PIBF1: variants seen among roughly 807,000 people sequenced by gnomAD.
PIBF1 encodes progesterone immunomodulatory binding factor 1.
A neutral mutation model predicts 112.5 loss-of-function variants in PIBF1; 90 were observed. That is an observed-to-expected ratio of 0.80 (90% CI 0.67 to 0.95). The LOEUF is 0.95. Among genes scored for constraint, PIBF1 ranks in the 40% least tolerant of loss-of-function variants. The pLI is 0.00. For missense variants in PIBF1, 915 were observed against 852.3 expected (o/e 1.07, Z -0.92); for synonymous variants, 301 against 288.6 (o/e 1.04, Z -0.44).
At chr13:72,925,246 A>C (rs949460010) in intron 13 of PIBF1, among the ~76,000 whole-genome samples, 5 of 152,194 alleles carry the variant, frequency 3.3e-5, no homozygotes, top group African/African-American at 1.2e-4. Context: ...CTCACAAATA[A>C]ATTTAATTTA....
chr13:72,863,147 G>A (rs942085309), intron 10 of PIBF1, among the ~76,000 whole-genome samples: 1 of 151,950 alleles, frequency 6.6e-6, no homozygotes, highest in Non-Finnish European at 1.5e-5. Context: ...CATACTACCA[G>A]AGGGAGGAAA....
At chr13:72,893,997 C>A (rs373291032) in intron 11 of PIBF1, 48 bp downstream of exon 11, 15 of 1,092,204 alleles carry the variant, frequency 1.4e-5, no homozygotes, top group Non-Finnish European at 1.8e-5. Flanking sequence ...ATGTAAACTC[C>A]CTAAGTACAA....
intron 9 of PIBF1, among the ~76,000 whole-genome samples, chr13:72,844,969 T>TTTCTA: frequency 6.6e-6 from 1 of 151,952 alleles, no homozygotes; most frequent in Non-Finnish European, 1.5e-5. Flanking sequence ...TTTCTTTTCT[T>TTTCTA]TTTTATTTTA....
At chr13:72,826,892 T>G (rs2036835889) in intron 6 of PIBF1, 118 bp from the exon 7 acceptor site, 1 of 505,394 alleles carries the variant, frequency 2.0e-6, no homozygotes, top group Middle Eastern at 3.9e-4. Context: ...GGAATTACAC[T>G]GAAGCCCCAT....
At chr13:72,952,520 T>C (rs982225113) in intron 14 of PIBF1, among the ~76,000 whole-genome samples, 4 of 152,136 alleles carry the variant, frequency 2.6e-5, no homozygotes, top group African/African-American at 4.8e-5. Flanking sequence ...GGGGGTGTTA[T>C]ATAATCCCGT....
At chr13:73,002,909 G>A (rs1205132385) in intron 17 of PIBF1, among the ~76,000 whole-genome samples, 1 of 150,304 alleles carries the variant, frequency 6.7e-6, no homozygotes, top group Non-Finnish European at 1.5e-5. Flanking sequence ...ACTTGGACCT[G>A]GGAGGTGGAG....
intron 6 of PIBF1, among the ~76,000 whole-genome samples, chr13:72,822,882 A>G (rs1282143088): frequency 2.0e-5 from 3 of 152,234 alleles, no homozygotes; most frequent in Non-Finnish European, 4.4e-5. Flanking sequence ...CTTTAAATCC[A>G]TGAGAGCTGT....
rs2034407929 is a variant in PIBF1, at chr13:72,783,419, A to G, written c.-47-4A>G. The G allele has an allele frequency of 1.6e-6, 2 of 1,234,592 alleles. No homozygotes were observed. The highest frequency in any genetic ancestry group is 2.3e-6 in the Non-Finnish European group (2 of 862,812). 76.5% of individuals were successfully genotyped at this position (1,234,592 alleles called of 1,614,324 possible). ...CATTTGAATTAATGTTTTTTAACCT[A>G]CAGAATATTAAAATCAAATTAGAGA... On this transcript the variant is annotated splice_region_variant and splice_polypyrimidine_tract_variant and intron_variant, in intron 1 of 17. Transcript: ENST00000326291.
At chr13:72,814,738 A>T (rs1005016607) in intron 5 of PIBF1, among the ~76,000 whole-genome samples, 4 of 150,886 alleles carry the variant, frequency 2.7e-5, no homozygotes, top group Admixed American at 1.3e-4. Context: ...TTTATTATTT[A>T]AAAAAAAAGA....
chr13:72,799,471 G>A (rs1173440974), intron 5 of PIBF1, among the ~76,000 whole-genome samples: 1 of 152,150 alleles, frequency 6.6e-6, no homozygotes, highest in Non-Finnish European at 1.5e-5. Context: ...AGGGGCAGAT[G>A]TGCCCCCACT....
chr13:72,872,128 T>C (rs1209980995), intron 10 of PIBF1, among the ~76,000 whole-genome samples: 1 of 152,198 alleles, frequency 6.6e-6, no homozygotes, highest in African/African-American at 2.4e-5. Flanking sequence ...ATGTATAAAA[T>C]ATAATAATAG....
rs141684236 is a variant in PIBF1 at position 72,889,012 on chromosome 13, C to T, written c.1323-4772C>T. On this transcript the variant is annotated intron_variant, in intron 10 of 17. Transcript: ENST00000326291. The stretch of plus-strand genomic sequence containing the variant: ...CCCAGGATTTCGACACCAGCCTGGG[C>T]GACATAGTGAGACCCTGTATCTACA... Among the ~76,000 whole-genome samples, 557 of 150,418 alleles carry T rather than the reference C, an allele frequency of 3.7e-3. 1 individual carries two copies. The highest frequency in any genetic ancestry group is 6.8e-3 in the Middle Eastern group (2 of 292).
rs3219561 is a variant in PIBF1, at chr13:72,860,308, GGTGTGTGTGTGTGTGTGTGTGTGT to G, written c.1322+6175_1322+6198del. Among the ~76,000 whole-genome samples, 10 of 143,246 alleles carry G rather than the reference GGTGTGTGTGTGTGTGTGTGTGTGT, an allele frequency of 7.0e-5. No individual in the cohort carries two copies. In the East Asian group the frequency reaches 8.4e-4, roughly 12 times the overall value. The allele number at this position is 143,246 out of a possible 152,430, so 94.0% of individuals were successfully genotyped here. On this transcript the variant is annotated intron_variant, in intron 10 of 17. Transcript: ENST00000326291. ...TTCGCTTTCCCTGTGTTTTTTTAGG[GGTGTGTGTGTGTGTGTGTGTGTGT>G]GTGTGTGTGTGTGTGTGTGTGACAG...
chr13:72,948,493 A>G (rs1173128659), intron 14 of PIBF1, among the ~76,000 whole-genome samples: 1 of 152,094 alleles, frequency 6.6e-6, no homozygotes, highest in Non-Finnish European at 1.5e-5. Flanking sequence ...AAATTTTCAC[A>G]CATTTTCCTG....
At chr13:72,902,014 G>GTGTGTGTGTGTGTGTGTGTA (rs1190434925) in intron 11 of PIBF1, among the ~76,000 whole-genome samples, 1 of 135,414 alleles carries the variant, frequency 7.4e-6, no homozygotes, top group African/African-American at 2.5e-5. Context: ...ATATGTGTGT[G>GTGTGTGTGTGTGTGTGTGTA]TGTGTGTGTA....
chr13:72,994,000 G>T (rs1176629197), intron 16 of PIBF1, among the ~76,000 whole-genome samples: 1 of 151,862 alleles, frequency 6.6e-6, no homozygotes, highest in Non-Finnish European at 1.5e-5. Context: ...TGGTGCCAGC[G>T]GCTCAGGAGG....
chr13:72,899,939 G>A (rs2040421784), intron 11 of PIBF1, among the ~76,000 whole-genome samples: 1 of 152,096 alleles, frequency 6.6e-6, no homozygotes, highest in Admixed American at 6.5e-5. Context: ...ACACAAATCA[G>A]TAGCACTTCT....
In PIBF1 at chr13:72,931,118, G is replaced by A. The variant is rs759043504; in HGVS notation, c.1731-47G>A. 18 of 1,068,674 alleles carry A rather than the reference G, an allele frequency of 1.7e-5. No individual in the cohort carries two copies. The South Asian group carries it at 2.0e-4, about 12-fold the overall frequency. The allele number at this position is 1,068,674 out of a possible 1,614,324, so 66.2% of individuals were successfully genotyped here. A position where few individuals can be genotyped will look rare whatever the true frequency, so the allele number is the denominator to read the frequency against. ...CACAAACACATTTTGAATATTTTGG[G>A]CAGTATTTCACTTTTAAGCATTAAT... On this transcript the variant is annotated intron_variant, in intron 13 of 17. Coordinates refer to ENST00000326291, the MANE Select transcript of PIBF1 (RefSeq NM_006346.4).
At chr13:72,833,857 C>A (rs1267736517) in intron 8 of PIBF1, among the ~76,000 whole-genome samples, 1 of 152,184 alleles carries the variant, frequency 6.6e-6, no homozygotes, top group African/African-American at 2.4e-5. Context: ...ACAGGCACCC[C>A]TTTCCCCAGG....
Sources: allele counts gnomAD v4.1 joint callset (sites outside exome capture counted in the v4.1 genomes callset), GRCh38; gene constraint gnomAD v4.1.1; transcripts MANE v1.5; gene names NCBI Gene and HGNC (gene_info 2026-07-23, HGNC 2026-07-21).